Variants in PARP6 observed in about 807,000 individuals in gnomAD.
PARP6 encodes protein mono-ADP-ribosyltransferase PARP6.
PARP6 carries 27 observed loss-of-function variants against 92.0 expected under a neutral mutation model. The observed-to-expected ratio is 0.29, with a 90% CI of 0.22 to 0.40. The LOEUF (loss-of-function observed/expected upper bound fraction) is 0.40. PARP6 is among the 10% of genes least tolerant of loss of function. The probability of loss-of-function intolerance (pLI) is 1.00; values close to 1 mark genes in which losing one functional copy is unlikely to be tolerated. For missense variants in PARP6, 501 were observed against 784.5 expected (o/e 0.64, Z 4.32); for synonymous variants, 272 against 281.2 (o/e 0.97, Z 0.33).
chr15:72,266,641 C>T (rs1022132184), intron 4 of PARP6, 104 bp downstream of exon 4: 1 of 826,486 alleles, frequency 1.2e-6, no homozygotes, highest in Non-Finnish European at 2.1e-6. Context: ...ACATTATAAC[C>T]TCATCTCATC....
Position 72,256,501 on chromosome 15 carries a change from G to A in PARP6, c.1089C>T (p.Asp363=). 1 of 1,596,962 alleles carries A rather than the reference G, an allele frequency of 6.3e-7. No homozygotes were observed. Among genetic ancestry groups the A allele is most frequent in the Non-Finnish European group, 8.5e-7 (1 of 1,172,964 alleles). Residue 363 remains aspartate, a synonymous_variant, in exon 14 of 24, where the codon GAC becomes GAT. Transcript: ENST00000569795. ...IIFEPYPSVV[D]PTDPKTLAFN... ...AGGCCAGAGTCTTGGGATCAGTGGG[G>A]TCCACCACAGAGGGATAAGGCTCAA... is the stretch of plus-strand genomic sequence containing the variant.
intron 8 of PARP6, among the ~76,000 whole-genome samples, chr15:72,264,239 G>A (rs924102892): frequency 6.6e-6 from 1 of 152,100 alleles, no homozygotes; most frequent in South Asian, 2.1e-4. Context: ...AGAGTTCCTA[G>A]AGACTTACTC....
At chr15:72,266,703 C>T (rs367745379) in intron 4 of PARP6, 42 bp downstream of exon 4, 65 of 1,436,170 alleles carry the variant, frequency 4.5e-5, no homozygotes, top group Non-Finnish European at 6.1e-5. Context: ...CAGCACATAT[C>T]TAGACCATCC....
At chr15:72,257,565 G>T in intron 12 of PARP6, 125 bp from the exon 13 acceptor site, 1 of 684,682 alleles carries the variant, frequency 1.5e-6, no homozygotes, top group Non-Finnish European at 2.6e-6. Context: ...TCTATATCAG[G>T]AGAAAACTAC....
intron 15 of PARP6, 59 bp from the exon 16 acceptor site, chr15:72,253,563 T>G (rs974518140): frequency 2.1e-6 from 3 of 1,403,782 alleles, no homozygotes; most frequent in Non-Finnish European, 3.0e-6. Flanking sequence ...ACCTGCTTTC[T>G]GCTTTTCACA....
chr15:72,255,784 C>CTCTTTTTTTTTTT (rs1567198828), intron 14 of PARP6, among the ~76,000 whole-genome samples: 1 of 92,810 alleles, frequency 1.1e-5, no homozygotes, highest in African/African-American at 4.0e-5. Flanking sequence ...TTACTTCTCT[C>CTCTTTTTTTTTTT]TTTTTTTTTT....
intron 10 of PARP6, 121 bp from the exon 11 acceptor site, chr15:72,259,782 G>A: frequency 1.8e-5 from 15 of 820,046 alleles, no homozygotes; most frequent in Middle Eastern, 2.4e-4. Context: ...TCAGAATCCC[G>A]AAGCTAGAAA....
chr15:72,244,354 T>C (rs16956623), intron 20 of PARP6: 94,186 of 152,108 alleles, frequency 0.62, 30,627 homozygotes, highest in Non-Finnish European at 0.72. Flanking sequence ...GATCCAATGA[T>C]TGTCCATTTC....
intron 20 of PARP6, among the ~76,000 whole-genome samples, chr15:72,246,760 TA>T (rs1225801390): frequency 1.3e-5 from 1 of 79,188 alleles, no homozygotes; most frequent in African/African-American, 3.2e-5. Flanking sequence ...TATTTATTAT[TA>T]TTTTTTTTTT....
intron 1 of PARP6, among the ~76,000 whole-genome samples, chr15:72,271,894 C>G (rs2087490663): frequency 6.6e-6 from 1 of 152,216 alleles, no homozygotes; most frequent in African/African-American, 2.4e-5. Context: ...AAGTCTGGAT[C>G]ACAAAGGTCT....
chr15:72,270,451 G>C (rs762782268), intron 2 of PARP6, among the ~76,000 whole-genome samples: 1 of 152,090 alleles, frequency 6.6e-6, no homozygotes, highest in South Asian at 2.1e-4. Context: ...ACTCTAATGG[G>C]CTGTCCTCAA....
chr15:72,264,421 T>C (rs373533325), intron 8 of PARP6, 134 bp downstream of exon 8: 50 of 685,352 alleles, frequency 7.3e-5, no homozygotes, highest in East Asian at 6.6e-4. Context: ...TATTTTAGCT[T>C]TTCCTGGGCA....
intron 18 of PARP6, 59 bp from the exon 19 acceptor site, chr15:72,250,151 C>T: frequency 9.4e-7 from 1 of 1,065,114 alleles, no homozygotes; most frequent in South Asian, 1.3e-5. Context: ...GGAACACTCC[C>T]AAGACTGCCA....
In PARP6 at chr15:72,242,499, C is replaced by T; in HGVS notation, c.1641+121G>A. Reference sequence around the variant, plus strand: ...TGTGTTCACTTTAGAACATACCTGACTCCTTTAAATGATCTCAAATCACTC... The same window carrying T: ...TGTGTTCACTTTAGAACATACCTGATTCCTTTAAATGATCTCAAATCACTC... On this transcript the variant is annotated intron_variant, in intron 21 of 23. Transcript: ENST00000569795. This position sits in a 1 kb window ranked among gnomAD's most constrained non-coding sequence, Gnocchi z 4.3. The T allele has an allele frequency of 2.7e-6, 2 of 748,156 alleles. No individual in the cohort carries two copies. Among genetic ancestry groups the T allele is most frequent in the South Asian group, 3.0e-5 (2 of 67,740 alleles). 46.3% of individuals were successfully genotyped at this position (748,156 alleles called of 1,614,324 possible). A position where few individuals can be genotyped will look rare whatever the true frequency, so the allele number is the denominator to read the frequency against.
chr15:72,250,732 A>G, intron 18 of PARP6, 113 bp downstream of exon 18: 1 of 659,512 alleles, frequency 1.5e-6, no homozygotes, highest in South Asian at 1.8e-5. Context: ...TTTAGTAAGT[A>G]TCTGCTGACT....
Position 72,242,857 on chromosome 15 carries a change from G to A in PARP6, c.1562-158C>T, listed in dbSNP as rs1371654052. 1 of 598,028 alleles carries A rather than the reference G, an allele frequency of 1.7e-6. No homozygotes were observed. Among genetic ancestry groups the A allele is most frequent in the Non-Finnish European group, 3.0e-6 (1 of 336,216 alleles). The allele number at this position is 598,028 out of a possible 1,614,324, so 37.0% of individuals were successfully genotyped here. ...TTAGTCTGCTGGAAATTACAAGCAA[G>A]AACAAGTAATTAACAACACAGCATG... On this transcript the variant is annotated intron_variant, in intron 20 of 23. Coordinates refer to ENST00000569795, the MANE Select transcript of PARP6 (RefSeq NM_001323532.2). The surrounding 1 kb of genome is among the most constrained non-coding windows in gnomAD (Gnocchi z 4.3).
At chr15:72,249,220 A>C in intron 20 of PARP6, 25 bp downstream of exon 20, 1 of 1,414,460 alleles carries the variant, frequency 7.1e-7, no homozygotes, top group Non-Finnish European at 1.0e-6. Context: ...AAATAGAGTC[A>C]AGGTGGCCAC....
At chr15:72,247,589 A>C (rs1423949554) in intron 20 of PARP6, among the ~76,000 whole-genome samples, 1 of 152,218 alleles carries the variant, frequency 6.6e-6, no homozygotes, top group African/African-American at 2.4e-5. Flanking sequence ...TTGAAAGTTT[A>C]AGATTAATTT....
At chr15:72,264,964 T>G in intron 7 of PARP6, 117 bp downstream of exon 7, 1 of 686,594 alleles carries the variant, frequency 1.5e-6, no homozygotes, top group Non-Finnish European at 2.6e-6. Context: ...CCCCTACCAA[T>G]AGCCTGCAGA....
Sources: allele counts gnomAD v4.1 joint callset (sites outside exome capture counted in the v4.1 genomes callset), GRCh38; gene constraint gnomAD v4.1.1; non-coding constraint Gnocchi (gnomAD v3.1); transcripts MANE v1.5; gene names NCBI Gene and HGNC (gene_info 2026-07-23, HGNC 2026-07-21).